The following CNTNAP2 variants were observed in gnomAD, a reference collection of about 807,000 sequenced individuals.
The protein encoded by CNTNAP2 is contactin associated protein 2.
In CNTNAP2, 98 loss-of-function variants were observed where a neutral mutation model predicts 155.2. That is an observed-to-expected ratio of 0.63 (90% confidence interval 0.54 to 0.75). CNTNAP2 has a LOEUF of 0.75. Ranked by LOEUF, CNTNAP2 falls within the 30% of genes least tolerant of loss-of-function variation. The pLI is 0.00. For missense variants in CNTNAP2, 1,727 were observed against 1,688.1 expected (o/e 1.02, Z -0.40); for synonymous variants, 651 against 631.2 (o/e 1.03, Z -0.47).
At chr7:147,447,916 C>T (rs1452762140) in intron 10 of CNTNAP2, among the ~76,000 whole-genome samples, 1 of 151,992 alleles carries the variant, frequency 6.6e-6, no homozygotes, top group African/African-American at 2.4e-5. Flanking sequence ...AAAATTGTTT[C>T]CCACTACTCA....
chr7:146,217,390 C>G (rs10270135), intron 1 of CNTNAP2, among the ~76,000 whole-genome samples: 3,395 of 152,174 alleles, frequency 0.022, 110 homozygotes, highest in African/African-American at 0.076. Flanking sequence ...ATTTCAGGAT[C>G]GGGGTACACA....
chr7:146,216,618 T>G (rs1269066814), intron 1 of CNTNAP2, among the ~76,000 whole-genome samples: 1 of 152,176 alleles, frequency 6.6e-6, no homozygotes, highest in Non-Finnish European at 1.5e-5. Context: ...GCAGACTCAC[T>G]CTTCTCCTGC....
At chr7:147,807,123 G>A (rs1016779840) in intron 13 of CNTNAP2, among the ~76,000 whole-genome samples, 43 of 151,686 alleles carry the variant, frequency 2.8e-4, no homozygotes, top group Non-Finnish European at 1.2e-4. Context: ...ACCATAGTGG[G>A]CACCATAATG....
chr7:146,456,481 G>T (rs527600691), intron 1 of CNTNAP2, among the ~76,000 whole-genome samples: 7 of 152,190 alleles, frequency 4.6e-5, no homozygotes, highest in Non-Finnish European at 1.0e-4. Context: ...AACTTCCTCT[G>T]CTTGGGCTTT....
At chr7:147,338,894 C>T (rs1477378049) in intron 9 of CNTNAP2, among the ~76,000 whole-genome samples, 1 of 151,948 alleles carries the variant, frequency 6.6e-6, no homozygotes, top group Non-Finnish European at 1.5e-5. Context: ...GTAGGGGGAG[C>T]TCATATTTAT....
chr7:147,885,520 G>A (rs1452260113), intron 13 of CNTNAP2, among the ~76,000 whole-genome samples: 5 of 150,790 alleles, frequency 3.3e-5, no homozygotes, highest in African/African-American at 7.3e-5. Flanking sequence ...TCCACCCCCC[G>A]CCACCCCGCC....
chr7:146,711,866 T>G (rs1279764372), intron 1 of CNTNAP2, among the ~76,000 whole-genome samples: 1 of 106,170 alleles, frequency 9.4e-6, no homozygotes, highest in Non-Finnish European at 1.6e-5. Flanking sequence ...ACACATCTTA[T>G]GTATACAATA....
intron 12 of CNTNAP2, among the ~76,000 whole-genome samples, chr7:147,567,376 T>TG (rs1019170397): frequency 2.5e-4 from 38 of 152,180 alleles, no homozygotes; most frequent in African/African-American, 8.2e-4. Flanking sequence ...AAGCAAGCAA[T>TG]GGATGGTTTC....
intron 1 of CNTNAP2, among the ~76,000 whole-genome samples, chr7:146,619,627 T>C (rs1207950739): frequency 6.6e-6 from 1 of 152,186 alleles, no homozygotes; most frequent in Non-Finnish European, 1.5e-5. Context: ...TATAATAAAT[T>C]ATAAATCCAG....
intron 1 of CNTNAP2, among the ~76,000 whole-genome samples, chr7:146,300,492 G>A (rs924280841): frequency 6.6e-6 from 1 of 151,906 alleles, no homozygotes; most frequent in Non-Finnish European, 1.5e-5. Context: ...TAAAATTGAA[G>A]AACAGCTTAC....
intron 1 of CNTNAP2, among the ~76,000 whole-genome samples, chr7:146,271,039 A>G (rs1045223325): frequency 3.3e-5 from 5 of 152,292 alleles, no homozygotes; most frequent in African/African-American, 1.2e-4. Context: ...GTTCTTAAAA[A>G]TATTATGGTT....
intron 4 of CNTNAP2, among the ~76,000 whole-genome samples, chr7:147,070,776 T>G (rs140767307): frequency 2.7e-4 from 41 of 152,322 alleles, no homozygotes; most frequent in African/African-American, 9.1e-4. Flanking sequence ...CTTTCACAAA[T>G]TTCTCTTGAA....
chr7:146,769,009 A>G (rs952934109), intron 1 of CNTNAP2, among the ~76,000 whole-genome samples: 2 of 152,166 alleles, frequency 1.3e-5, no homozygotes, highest in Non-Finnish European at 2.9e-5. Flanking sequence ...GGCAACAGCT[A>G]TTTCATGTCT....
At chr7:147,250,961 G>T (rs1804183754) in intron 8 of CNTNAP2, among the ~76,000 whole-genome samples, 1 of 152,020 alleles carries the variant, frequency 6.6e-6, no homozygotes, top group African/African-American at 2.4e-5. Flanking sequence ...GTTCCTGTTT[G>T]TTTTATAGAG....
At chr7:146,545,524 A>G (rs1044260053) in intron 1 of CNTNAP2, among the ~76,000 whole-genome samples, 1 of 151,578 alleles carries the variant, frequency 6.6e-6, no homozygotes, top group Admixed American at 6.6e-5. Flanking sequence ...CTACTGTGTG[A>G]TGTTCCCCTC....
chr7:147,854,769 A>G (rs1799008523), intron 13 of CNTNAP2, among the ~76,000 whole-genome samples: 1 of 152,188 alleles, frequency 6.6e-6, no homozygotes, highest in South Asian at 2.1e-4. Context: ...AAGACTTTGA[A>G]GTCTACTTGA....
chr7:147,090,992 T>G (rs1800392268), intron 4 of CNTNAP2, among the ~76,000 whole-genome samples: 1 of 152,046 alleles, frequency 6.6e-6, no homozygotes, highest in South Asian at 2.1e-4. Context: ...AATGAAAAAT[T>G]AAGCTTGGGC....
intron 8 of CNTNAP2, among the ~76,000 whole-genome samples, chr7:147,168,449 A>C (rs1015999477): frequency 1.3e-5 from 2 of 152,024 alleles, no homozygotes; most frequent in African/African-American, 4.8e-5. Context: ...CTAATTGCCT[A>C]CTTTTTTCCT....
At chr7:148,067,903 G>C (rs567989922) in intron 15 of CNTNAP2, among the ~76,000 whole-genome samples, 1 of 152,270 alleles carries the variant, frequency 6.6e-6, no homozygotes, top group East Asian at 1.9e-4. Flanking sequence ...GCTCTGCAGT[G>C]TCATATAGGT....
Sources: gnomAD v4.1 joint callset for allele counts (sites outside exome capture counted in the v4.1 genomes callset) on GRCh38, gnomAD v4.1.1 for gene constraint, MANE v1.5 for transcripts, NCBI Gene and HGNC (gene_info 2026-07-23, HGNC 2026-07-21) for gene names.